Variants in ANKS1B observed in about 807,000 individuals in gnomAD.
ANKS1B encodes the protein ankyrin repeat and sterile alpha motif domain-containing protein 1B.
Under a neutral mutation model 148.3 loss-of-function variants are expected in ANKS1B, and 36 were observed. That is an observed-to-expected ratio of 0.24 (90% CI 0.19 to 0.32). The LOEUF is 0.32. ANKS1B is among the 10% of genes least tolerant of loss of function. ANKS1B has a pLI of 1.00. For synonymous variants in ANKS1B, 542 were observed against 560.8 expected (o/e 0.97, Z 0.47); for missense variants, 1,157 against 1,542.6 (o/e 0.75, Z 4.19).
intron 17 of ANKS1B, among the ~76,000 whole-genome samples, chr12:99,039,290 C>G (rs1400886844): frequency 6.6e-6 from 1 of 152,214 alleles, no homozygotes; most frequent in East Asian, 1.9e-4. Context: ...CCAAGTGGCC[C>G]TCCACAGTCA....
chr12:98,990,435 A>G (rs2099925892), intron 17 of ANKS1B, among the ~76,000 whole-genome samples: 1 of 151,998 alleles, frequency 6.6e-6, no homozygotes, highest in Non-Finnish European at 1.5e-5. Flanking sequence ...TTCAAGAGTC[A>G]ATGTTTTTTT....
At chr12:99,377,365 C>T (rs925755903) in intron 12 of ANKS1B, among the ~76,000 whole-genome samples, 10 of 152,030 alleles carry the variant, frequency 6.6e-5, no homozygotes, top group South Asian at 2.1e-4. Context: ...GAACAAAATG[C>T]GGTTTCTATT....
At chr12:99,482,942 C>A (rs1215276017) in intron 10 of ANKS1B, among the ~76,000 whole-genome samples, 1 of 151,806 alleles carries the variant, frequency 6.6e-6, no homozygotes, top group Non-Finnish European at 1.5e-5. Flanking sequence ...TATAAAATAT[C>A]ATCTGCAAAC....
chr12:99,528,311 T>C (rs2096949011), intron 9 of ANKS1B, among the ~76,000 whole-genome samples: 1 of 151,158 alleles, frequency 6.6e-6, no homozygotes, highest in South Asian at 2.1e-4. Context: ...GACATAGAAC[T>C]AGACAAAGAT....
intron 17 of ANKS1B, among the ~76,000 whole-genome samples, chr12:98,925,562 C>CT (rs893746363): frequency 3.3e-5 from 5 of 152,112 alleles, no homozygotes; most frequent in Non-Finnish European, 7.4e-5. Flanking sequence ...AAAGCATTTA[C>CT]TTTTTTAAAA....
chr12:99,975,196 C>T (rs575592935), intron 1 of ANKS1B, among the ~76,000 whole-genome samples: 36 of 152,236 alleles, frequency 2.4e-4, no homozygotes, highest in African/African-American at 6.5e-4. Flanking sequence ...CATTCTCTTA[C>T]GAGCCTGGCA....
chr12:99,902,911 C>T lies in ANKS1B; in HGVS notation c.135-77522G>A, dbSNP rs1197076534. Among the ~76,000 whole-genome samples the T allele has an allele frequency of 8.3e-5, 9 of 108,058 alleles. No individual in the cohort carries two copies. In the South Asian group the frequency reaches 1.7e-3, roughly 20 times the overall value. 70.9% of individuals were successfully genotyped at this position (108,058 alleles called of 152,430 possible). Reference sequence around the variant, plus strand: ...GACTACAGGCATGCACCACCACGCCCGGCTAATTGTTGTTGTTGTTGTTGC... The same window carrying T: ...GACTACAGGCATGCACCACCACGCCTGGCTAATTGTTGTTGTTGTTGTTGC... On this transcript the variant is annotated intron_variant, in intron 1 of 26. Transcript: ENST00000683438.
At chr12:99,097,834 G>A (rs1347794889) in intron 15 of ANKS1B, among the ~76,000 whole-genome samples, 2 of 152,140 alleles carry the variant, frequency 1.3e-5, no homozygotes, top group East Asian at 3.8e-4. Context: ...TTTTAACACG[G>A]CATCTGTTCT....
chr12:99,058,512 G>A (rs1357872607), intron 16 of ANKS1B, among the ~76,000 whole-genome samples: 1 of 151,926 alleles, frequency 6.6e-6, no homozygotes, highest in African/African-American at 2.4e-5. Context: ...ACCTCCCAAA[G>A]TGTTGGGATT....
At chr12:99,244,259 G>T in intron 14 of ANKS1B, 83 bp downstream of exon 14, 2 of 901,380 alleles carry the variant, frequency 2.2e-6, no homozygotes, top group Non-Finnish European at 3.4e-6. Flanking sequence ...TGAAAAAAAT[G>T]CAATTATCTA....
chr12:99,416,567 G>A (rs191035572), intron 11 of ANKS1B, among the ~76,000 whole-genome samples: 92 of 152,172 alleles, frequency 6.0e-4, no homozygotes, highest in African/African-American at 2.2e-3. Context: ...ATCTCATTGT[G>A]GTTTTACTTT....
intron 7 of ANKS1B, among the ~76,000 whole-genome samples, 167 bp downstream of exon 7, chr12:99,775,381 C>T (rs1046403913): frequency 3.9e-5 from 6 of 152,140 alleles, no homozygotes; most frequent in Non-Finnish European, 5.9e-5. Context: ...TAGTTTTCTG[C>T]TTTGCTCACT....
intron 9 of ANKS1B, among the ~76,000 whole-genome samples, chr12:99,543,706 T>C (rs758010591): frequency 6.6e-6 from 1 of 150,934 alleles, no homozygotes; most frequent in South Asian, 2.1e-4. Context: ...TTCTACAACA[T>C]AAATAAACTT....
intron 1 of ANKS1B, among the ~76,000 whole-genome samples, chr12:99,956,931 T>C (rs1041537707): frequency 6.6e-6 from 1 of 152,238 alleles, no homozygotes; most frequent in African/African-American, 2.4e-5. Context: ...TAATGATTTA[T>C]TCATATTGCT....
chr12:98,768,091 G>C (rs1370794290), intron 25 of ANKS1B, among the ~76,000 whole-genome samples: 1 of 152,088 alleles, frequency 6.6e-6, no homozygotes, highest in Non-Finnish European at 1.5e-5. Context: ...GTGGAGTTTG[G>C]GGAAGCTTTT....
intron 10 of ANKS1B, among the ~76,000 whole-genome samples, chr12:99,453,827 A>G (rs1420209128): frequency 2.6e-5 from 4 of 152,242 alleles, no homozygotes; most frequent in African/African-American, 9.6e-5. Flanking sequence ...AATGGAAAAC[A>G]TAGAAGGGCA....
chr12:99,236,057 G>A (rs558218126), intron 14 of ANKS1B, among the ~76,000 whole-genome samples: 54 of 152,286 alleles, frequency 3.5e-4, no homozygotes, highest in Non-Finnish European at 5.3e-4. Flanking sequence ...GCATGGAGCC[G>A]AGGAATCTTC....
intron 9 of ANKS1B, among the ~76,000 whole-genome samples, chr12:99,651,548 T>C (rs2098419637): frequency 6.6e-6 from 1 of 152,156 alleles, no homozygotes; most frequent in Non-Finnish European, 1.5e-5. Flanking sequence ...GAAGGGATCA[T>C]TGTTAAAAGC....
At chr12:99,919,220 A>G (rs1462726224) in intron 1 of ANKS1B, among the ~76,000 whole-genome samples, 2 of 152,146 alleles carry the variant, frequency 1.3e-5, no homozygotes. Flanking sequence ...GAGTCAGACA[A>G]TCCCAGTTTT....
Sources: allele counts gnomAD v4.1 joint callset (sites outside exome capture counted in the v4.1 genomes callset), GRCh38; gene constraint gnomAD v4.1.1; transcripts MANE v1.5; gene names NCBI Gene and HGNC (gene_info 2026-07-23, HGNC 2026-07-21).